The following SIDT1 variants were observed in gnomAD, a reference collection of about 807,000 sequenced individuals.
SIDT1 encodes SID1 transmembrane family member 1.
In SIDT1, 101 loss-of-function variants were observed where a neutral mutation model predicts 107.5. The ratio of observed to expected loss-of-function variants is 0.94; its 90% CI spans 0.80 to 1.11. SIDT1 has a LOEUF of 1.11. Among genes scored for constraint, SIDT1 ranks in the 50% least tolerant of loss-of-function variants. SIDT1 has a pLI of 0.00. For synonymous variants in SIDT1, 395 were observed against 398.2 expected (o/e 0.99, Z 0.10); for missense variants, 1,076 against 1,058.2 (o/e 1.02, Z -0.23).
intron 11 of SIDT1, 126 bp downstream of exon 11, chr3:113,601,785 AT>A (rs1298488132): frequency 1.7e-6 from 1 of 593,904 alleles, no homozygotes; most frequent in Admixed American, 3.4e-5. Flanking sequence ...ATTGTCTTTT[AT>A]TTGTAAGATG....
intron 18 of SIDT1, among the ~76,000 whole-genome samples, chr3:113,611,547 T>C (rs1482105186): frequency 6.6e-6 from 1 of 152,162 alleles, no homozygotes; most frequent in Non-Finnish European, 1.5e-5. Context: ...GGTCTCAAAC[T>C]CCTGACCTCA....
At position 113,567,716 on chromosome 3, in the gene SIDT1, C is replaced by T. The variant is rs763847746; in HGVS notation, c.515+6C>T. 42 of 1,612,680 alleles carry T rather than the reference C, an allele frequency of 2.6e-5. No homozygotes were observed. Among genetic ancestry groups the T allele is most frequent in the South Asian group, 4.4e-5 (4 of 90,858 alleles). ...CTGAAGCACTTCCAGCTCCGGTAAG[C>T]GGGACTTTCTCTGTTTACCTGTCTG... is the stretch of plus-strand genomic sequence containing the variant. On this transcript the variant is annotated splice_donor_region_variant and intron_variant, in intron 3 of 24. Coordinates refer to ENST00000264852, the MANE Select transcript of SIDT1 (RefSeq NM_017699.3).
chr3:113,569,389 C>T (rs929123446), intron 3 of SIDT1, among the ~76,000 whole-genome samples: 2 of 151,946 alleles, frequency 1.3e-5, no homozygotes, highest in Admixed American at 6.6e-5. Context: ...TTTAAAAAAT[C>T]GGAATATTTC....
At position 113,582,523 on chromosome 3, in the gene SIDT1, A is replaced by G. The variant is rs1943436605; in HGVS notation, c.748-886A>G. On this transcript the variant is annotated intron_variant, in intron 6 of 24. Transcript: ENST00000264852. ...TATGTGGTCCCAAATAAAAGAGGAC[A>G]GAAAAATAACTATAGTAGGGAACTT... is the stretch of plus-strand genomic sequence containing the variant. 2.0e-5 allele frequency among the ~76,000 whole-genome samples: 3 copies of G among 152,346 alleles called. No homozygotes were observed. The South Asian group carries it at 6.2e-4, about 32-fold the overall frequency.
In SIDT1 at chr3:113,551,174, T is replaced by C. The variant is rs538081491; in HGVS notation, c.223-15246T>C. Among the ~76,000 whole-genome samples, 420 of 152,316 alleles carry C rather than the reference T, an allele frequency of 2.8e-3. 1 individual carries two copies. The highest frequency in any genetic ancestry group is 0.019 in the South Asian group (93 of 4,828). On this transcript the variant is annotated intron_variant, in intron 1 of 24. Transcript: ENST00000264852. The stretch of plus-strand genomic sequence containing the variant: ...TTATCCAATCTATCATTGATTGACA[T>C]TTAGGTTGATTCTATGTCTTTGCTA...
intron 20 of SIDT1, among the ~76,000 whole-genome samples, chr3:113,617,046 G>C (rs1432474813): frequency 6.6e-6 from 1 of 152,110 alleles, no homozygotes; most frequent in Non-Finnish European, 1.5e-5. Flanking sequence ...CATAGCTATG[G>C]GGAGGATCAA....
intron 10 of SIDT1, among the ~76,000 whole-genome samples, chr3:113,599,833 T>G (rs937343311): frequency 6.6e-6 from 1 of 152,292 alleles, no homozygotes; most frequent in African/African-American, 2.4e-5. Context: ...ATATAGTTAA[T>G]AATATTGCAT....
chr3:113,607,184 T>C, intron 15 of SIDT1, 70 bp downstream of exon 15: 2 of 1,044,198 alleles, frequency 1.9e-6, no homozygotes, highest in Non-Finnish European at 2.9e-6. Flanking sequence ...GTGATTTCGG[T>C]TTTTAAAAAT....
chr3:113,568,316 C>A (rs116297284), intron 3 of SIDT1, among the ~76,000 whole-genome samples: 4,112 of 152,148 alleles, frequency 0.027, 93 homozygotes, highest in East Asian at 0.091. Context: ...TAAATTAAGG[C>A]CGGGTGTGGT....
Position 113,605,825 on chromosome 3 carries a change from G to A in SIDT1, c.1404+849G>A, listed in dbSNP as rs951047199. 3.9e-5 allele frequency among the ~76,000 whole-genome samples: 6 copies of A among 152,054 alleles called. No individual in the cohort carries two copies. In the South Asian group the frequency reaches 6.2e-4, roughly 16 times the overall value. On this transcript the variant is annotated intron_variant, in intron 14 of 24. Coordinates refer to ENST00000264852, the MANE Select transcript of SIDT1 (RefSeq NM_017699.3). The stretch of plus-strand genomic sequence containing the variant: ...TTGAGACCAGCCTGGGCAACATGGC[G>A]AAACCCTGACTCTACCAAAAATACA...
chr3:113,533,074 TGGCGGCGTCGCCC>T lies in SIDT1; in HGVS notation c.56_68del (p.Ala19GlyfsTer34). The T allele has an allele frequency of 1.3e-6, 2 of 1,500,846 alleles. No individual in the cohort carries two copies. The highest frequency in any genetic ancestry group is 5.6e-5 in the East Asian group (2 of 35,480). 93.0% of individuals were successfully genotyped at this position (1,500,846 alleles called of 1,614,324 possible). ...CTCTGCGCGCTGCCCTGGCTCCTGCTGGCGGCGTCGCCCGGGCACCCGGCGAAATCCCCCAGGC... is the reference window on the plus strand; with the variant it reads ...CTCTGCGCGCTGCCCTGGCTCCTGCTGGGCACCCGGCGAAATCCCCCAGGC... On this transcript the variant is annotated frameshift_variant, in exon 1 of 25. Coordinates refer to ENST00000264852, the MANE Select transcript of SIDT1 (RefSeq NM_017699.3). LOFTEE classifies it high-confidence loss of function.
chr3:113,555,443 G>T (rs557658447), intron 1 of SIDT1, among the ~76,000 whole-genome samples: 2 of 152,306 alleles, frequency 1.3e-5, no homozygotes, highest in African/African-American at 4.8e-5. Flanking sequence ...AACATTTATT[G>T]ATTGAACAAA....
intron 1 of SIDT1, among the ~76,000 whole-genome samples, chr3:113,547,342 A>G (rs1215344021): frequency 6.6e-6 from 1 of 152,178 alleles, no homozygotes; most frequent in Non-Finnish European, 1.5e-5. Flanking sequence ...GGAGGCTAAA[A>G]AAGTTGATCT....
intron 1 of SIDT1, among the ~76,000 whole-genome samples, chr3:113,542,947 T>C (rs1225289760): frequency 6.6e-6 from 1 of 151,530 alleles, no homozygotes; most frequent in Non-Finnish European, 1.5e-5. Flanking sequence ...TGTTTGTTTG[T>C]TTGTTTGTTT....
Position 113,566,522 on chromosome 3 carries a change from CCTCTG to C in SIDT1, c.330_334del (p.Leu111ProfsTer25). 1 of 1,614,054 alleles carries C rather than the reference CCTCTG, an allele frequency of 6.2e-7. No individual in the cohort carries two copies. Among genetic ancestry groups the C allele is most frequent in the Non-Finnish European group, 8.5e-7 (1 of 1,179,968 alleles). ...GAAAGAGGTGCTGTCCTGGCAGGTT[CCTCTG>C]CTCTTCCAAGGACTGTAAGTGGGTT... On this transcript the variant is annotated frameshift_variant, in exon 2 of 25. Transcript: ENST00000264852. LOFTEE classifies it high-confidence loss of function.
intron 9 of SIDT1, among the ~76,000 whole-genome samples, chr3:113,591,476 C>T (rs1482726797): frequency 6.6e-6 from 1 of 150,734 alleles, no homozygotes; most frequent in Non-Finnish European, 1.5e-5. Flanking sequence ...GAAGCCAAAA[C>T]AATCCTGAAA....
chr3:113,601,962 A>C (rs376857001), intron 11 of SIDT1: 2 of 267,472 alleles, frequency 7.5e-6, no homozygotes, highest in East Asian at 8.3e-5. Flanking sequence ...GGTTTAGGGC[A>C]TGAAAGATGT....
intron 14 of SIDT1, 110 bp from the exon 15 acceptor site, chr3:113,606,931 T>C: frequency 1.4e-6 from 1 of 723,490 alleles, no homozygotes; most frequent in Admixed American, 1.9e-5. Flanking sequence ...GGTTACATTG[T>C]AAACTAGTGA....
intron 14 of SIDT1, chr3:113,606,818 C>T (rs756976005): frequency 2.3e-4 from 108 of 462,168 alleles, no homozygotes; most frequent in Non-Finnish European, 3.0e-4. Context: ...TAAGAGGGTA[C>T]ACAGAATATT....
Sources: gnomAD v4.1 joint callset for allele counts (sites outside exome capture counted in the v4.1 genomes callset) on GRCh38, gnomAD v4.1.1 for gene constraint, MANE v1.5 for transcripts, NCBI Gene and HGNC (gene_info 2026-07-23, HGNC 2026-07-21) for gene names.